PDGFRL: variants seen among roughly 807,000 people sequenced by gnomAD.
PDGFRL encodes platelet-derived growth factor receptor-like protein.
PDGFRL carries 46 observed loss-of-function variants against 37.2 expected under a neutral mutation model. The observed-to-expected ratio is 1.24, with a 90% CI of 0.98 to 1.58. PDGFRL has a LOEUF of 1.58. PDGFRL is among the 40% of genes most tolerant of loss of function. The pLI is 0.00. For synonymous variants in PDGFRL, 251 were observed against 184.3 expected (o/e 1.36, Z -2.93); for missense variants, 692 against 467.6 (o/e 1.48, Z -4.43).
At chr8:17,603,916 T>A (rs1316847387) in intron 2 of PDGFRL, among the ~76,000 whole-genome samples, 1 of 151,960 alleles carries the variant, frequency 6.6e-6, no homozygotes, top group African/African-American at 2.4e-5. Flanking sequence ...AGAGAAGTGT[T>A]TGAAGGAAGT....
intron 2 of PDGFRL, among the ~76,000 whole-genome samples, chr8:17,603,969 C>T (rs1563514478): frequency 6.6e-6 from 1 of 151,792 alleles, no homozygotes; most frequent in African/African-American, 2.4e-5. Flanking sequence ...GCATGAAGGG[C>T]AGGTGGGTAA....
intron 2 of PDGFRL, among the ~76,000 whole-genome samples, chr8:17,591,984 A>G (rs1803950505): frequency 6.6e-6 from 1 of 152,140 alleles, no homozygotes; most frequent in South Asian, 2.1e-4. Context: ...ACAACGATTT[A>G]TATTTCCACA....
intron 4 of PDGFRL, among the ~76,000 whole-genome samples, chr8:17,629,617 A>G (rs1022166039): frequency 2.6e-5 from 4 of 151,930 alleles, no homozygotes; most frequent in African/African-American, 9.7e-5. Flanking sequence ...TTCATCGAAC[A>G]TTTTGGCACT....
At chr8:17,580,127 C>T (rs183288365) in intron 1 of PDGFRL, among the ~76,000 whole-genome samples, 84 of 152,188 alleles carry the variant, frequency 5.5e-4, no homozygotes, top group Admixed American at 4.6e-3. Context: ...GATCCTTGAT[C>T]CATGCTAATC....
In PDGFRL at chr8:17,643,036, G is replaced by C. The variant is rs1805184945; in HGVS notation, c.*235G>C. 2.4e-6 allele frequency: 1 copy of C among 424,992 alleles called. No homozygotes were observed. Among genetic ancestry groups the C allele is most frequent in the Non-Finnish European group, 4.1e-6 (1 of 243,046 alleles). 26.3% of individuals were successfully genotyped at this position (424,992 alleles called of 1,614,324 possible). ...ATTTTGATTGCTTACCTACATACGT[G>C]TTCCTAGTTTTTATACATGTGTAAA... is the stretch of plus-strand genomic sequence containing the variant. On this transcript the variant is annotated 3_prime_UTR_variant, in exon 6 of 6. Transcript: ENST00000251630.
At chr8:17,634,515 A>G (rs1057476750) in intron 5 of PDGFRL, among the ~76,000 whole-genome samples, 1 of 151,986 alleles carries the variant, frequency 6.6e-6, no homozygotes, top group Non-Finnish European at 1.5e-5. Flanking sequence ...GTAAGAAAGG[A>G]CAGTAATGCT....
At chr8:17,638,277 C>T (rs1805014132) in intron 5 of PDGFRL, among the ~76,000 whole-genome samples, 2 of 152,122 alleles carry the variant, frequency 1.3e-5, no homozygotes, top group African/African-American at 2.4e-5. Flanking sequence ...AATTTTTTAA[C>T]TTCCATCGTG....
intron 1 of PDGFRL, among the ~76,000 whole-genome samples, chr8:17,584,853 G>A (rs1803782278): frequency 6.6e-6 from 1 of 151,976 alleles, no homozygotes; most frequent in Non-Finnish European, 1.5e-5. Flanking sequence ...TAAAGTGAAA[G>A]CAAATCTATT....
intron 1 of PDGFRL, among the ~76,000 whole-genome samples, chr8:17,579,556 G>GTTATTATTATTATTA (rs3988349): frequency 3.8e-4 from 46 of 119,538 alleles, no homozygotes; most frequent in South Asian, 2.7e-3. Context: ...TATTATTATT[G>GTTATTATTATTATTA]TTATTATTAT....
chr8:17,604,923 G>C (rs574187670), intron 2 of PDGFRL, among the ~76,000 whole-genome samples: 1 of 152,190 alleles, frequency 6.6e-6, no homozygotes, highest in South Asian at 2.1e-4. Flanking sequence ...AGACCAGCTT[G>C]GGCAACATGG....
At chr8:17,588,737 AG>A (rs1803870451) in intron 1 of PDGFRL, among the ~76,000 whole-genome samples, 1 of 152,158 alleles carries the variant, frequency 6.6e-6, no homozygotes. Flanking sequence ...GTCTCTGTGG[AG>A]CTACAGATTT....
chr8:17,603,071 C>G (rs1444250936), intron 2 of PDGFRL, among the ~76,000 whole-genome samples: 2 of 152,224 alleles, frequency 1.3e-5, no homozygotes, highest in African/African-American at 2.4e-5. Flanking sequence ...CAACCTCTGC[C>G]TCCTGGGTTC....
chr8:17,597,016 T>A (rs1337738648), intron 2 of PDGFRL, among the ~76,000 whole-genome samples: 4 of 145,116 alleles, frequency 2.8e-5, no homozygotes, highest in Admixed American at 6.6e-5. Flanking sequence ...CTTGTAGTTT[T>A]TTTTGTTTTT....
intron 1 of PDGFRL, among the ~76,000 whole-genome samples, chr8:17,580,919 A>G (rs77890472): frequency 0.039 from 5,820 of 151,124 alleles, 131 homozygotes; most frequent in East Asian, 0.081. Flanking sequence ...CCATGTGACC[A>G]TCTTCTCCCC....
chr8:17,622,364 T>G (rs1022324459), intron 3 of PDGFRL, among the ~76,000 whole-genome samples: 2 of 152,144 alleles, frequency 1.3e-5, no homozygotes, highest in Non-Finnish European at 2.9e-5. Flanking sequence ...GGGACTTTCA[T>G]GAAATTTCTC....
intron 3 of PDGFRL, among the ~76,000 whole-genome samples, chr8:17,623,638 G>T (rs1804676995): frequency 6.6e-6 from 1 of 152,138 alleles, no homozygotes; most frequent in Non-Finnish European, 1.5e-5. Context: ...ACTTTGGGAG[G>T]CCACGGCGGG....
At chr8:17,578,250 C>T (rs2517263) in intron 1 of PDGFRL, among the ~76,000 whole-genome samples, 76,463 of 152,072 alleles carry the variant, frequency 0.5, 21,946 homozygotes, top group Non-Finnish European at 0.64. Flanking sequence ...GGAAAAGTAG[C>T]TTTTGCTGTT....
intron 1 of PDGFRL, 63 bp downstream of exon 1, chr8:17,577,370 C>T (rs1803608475): frequency 7.4e-7 from 1 of 1,359,796 alleles, no homozygotes; most frequent in Non-Finnish European, 1.0e-6. Flanking sequence ...GACCCGAAGC[C>T]CCCGCCGCCC....
intron 2 of PDGFRL, among the ~76,000 whole-genome samples, chr8:17,601,202 CAGTGACTGT>C (rs1304351187): frequency 6.6e-6 from 1 of 152,210 alleles, no homozygotes; most frequent in African/African-American, 2.4e-5. Flanking sequence ...ATCACAACAG[CAGTGACTGT>C]AGTCTCTAAC....
Sources: allele counts gnomAD v4.1 joint callset (sites outside exome capture counted in the v4.1 genomes callset), GRCh38; gene constraint gnomAD v4.1.1; transcripts MANE v1.5; gene names NCBI Gene and HGNC (gene_info 2026-07-23, HGNC 2026-07-21).